LIMCH1: variants seen among roughly 807,000 people sequenced by gnomAD.
LIMCH1 encodes the protein LIM and calponin homology domains-containing protein 1.
LIMCH1 carries 113 observed loss-of-function variants against 176.5 expected under a neutral mutation model. The observed-to-expected ratio is 0.64, with a 90% CI of 0.55 to 0.75. The LOEUF (loss-of-function observed/expected upper bound fraction) is 0.75, where lower values mean the gene tolerates loss of function less well. Among genes scored for constraint, LIMCH1 ranks in the 30% least tolerant of loss-of-function variants. LIMCH1 has a pLI of 0.00. For synonymous variants in LIMCH1, 619 were observed against 645.9 expected (o/e 0.96, Z 0.63); for missense variants, 1,674 against 1,814.9 (o/e 0.92, Z 1.41).
intron 1 of LIMCH1, among the ~76,000 whole-genome samples, chr4:41,541,373 T>G (rs897586912): frequency 6.6e-6 from 1 of 152,212 alleles, no homozygotes; most frequent in Admixed American, 6.5e-5. Context: ...AGCTTGTGTT[T>G]GGTCCCTTTC....
Position 41,360,809 on chromosome 4 carries a change from C to T in LIMCH1, c.-32C>T. ...CGGCGACGGCGGCGGCCGTCCTCAT[C>T]CCGGCGCTTGAGAGGACGCGGGGCT... On this transcript the variant is annotated 5_prime_UTR_variant, in exon 1 of 27. Coordinates refer to the LIMCH1 transcript ENST00000313860. The surrounding 1 kb of genome is among the most constrained non-coding windows in gnomAD (Gnocchi z 4.5). 1 of 1,498,680 alleles carries T rather than the reference C, an allele frequency of 6.7e-7. No individual in the cohort carries two copies. Among genetic ancestry groups the T allele is most frequent in the Non-Finnish European group, 8.9e-7 (1 of 1,119,236 alleles). The allele number at this position is 1,498,680 out of a possible 1,614,324, so 92.8% of individuals were successfully genotyped here. A position where few individuals can be genotyped will look rare whatever the true frequency, so the allele number is the denominator to read the frequency against.
intron 4 of LIMCH1, among the ~76,000 whole-genome samples, chr4:41,610,044 A>C (rs2091241680): frequency 1.3e-5 from 2 of 152,180 alleles, no homozygotes; most frequent in African/African-American, 4.8e-5. Flanking sequence ...TCACTGTTCA[A>C]ACTGGCCATG....
chr4:41,427,194 T>C (rs2061189076), intron 1 of LIMCH1, among the ~76,000 whole-genome samples: 1 of 152,208 alleles, frequency 6.6e-6, no homozygotes, highest in South Asian at 2.1e-4. Flanking sequence ...GATCTTTTAA[T>C]TTCTTTGAGT....
At chr4:41,435,092 G>A (rs1467340071) in intron 1 of LIMCH1, among the ~76,000 whole-genome samples, 2 of 152,126 alleles carry the variant, frequency 1.3e-5, no homozygotes, top group Non-Finnish European at 2.9e-5. Flanking sequence ...ATTATCCTAG[G>A]TTATCTCAGT....
chr4:41,599,432 A>G (rs1433965628), intron 2 of LIMCH1, among the ~76,000 whole-genome samples: 22 of 152,232 alleles, frequency 1.4e-4, no homozygotes, highest in Admixed American at 1.0e-3. Flanking sequence ...GCATTAGATT[A>G]TGGAGAACTT....
intron 1 of LIMCH1, among the ~76,000 whole-genome samples, chr4:41,584,046 C>T (rs2086009525): frequency 6.6e-6 from 1 of 152,094 alleles, no homozygotes; most frequent in Non-Finnish European, 1.5e-5. Context: ...TGGCTCTTTG[C>T]ACTCACACTC....
intron 2 of LIMCH1, among the ~76,000 whole-genome samples, chr4:41,498,304 A>G (rs1221122405): frequency 3.9e-5 from 6 of 152,190 alleles, no homozygotes; most frequent in Admixed American, 1.3e-4. Context: ...TACCCTCAAA[A>G]TCACCCTGGG....
At chr4:41,570,765 TGA>T (rs140577504) in intron 1 of LIMCH1, among the ~76,000 whole-genome samples, 356 of 152,116 alleles carry the variant, frequency 2.3e-3, no homozygotes, top group Non-Finnish European at 4.3e-3. Context: ...AATAGACTGA[TGA>T]GAGTTATTGG....
chr4:41,463,916 T>TC (rs2154154498), intron 1 of LIMCH1, among the ~76,000 whole-genome samples: 1 of 152,000 alleles, frequency 6.6e-6, no homozygotes, highest in East Asian at 1.9e-4. Context: ...GAGGTCTCAC[T>TC]CTATTTGCCC....
In LIMCH1 at chr4:41,385,584, A is replaced by G. The variant is rs370194682; in HGVS notation, c.96+24648A>G. ...TTCTGCATATTAAAAATGTTCCAGAAAGGAAAGCAAAAAAATCACCATGGC... is the reference window on the plus strand; with the variant it reads ...TTCTGCATATTAAAAATGTTCCAGAGAGGAAAGCAAAAAAATCACCATGGC... On this transcript the variant is annotated intron_variant, in intron 1 of 26. Transcript: ENST00000313860. Among the ~76,000 whole-genome samples, 7 of 152,300 alleles carry G rather than the reference A, an allele frequency of 4.6e-5. 1 individual carries two copies. The highest frequency in any genetic ancestry group is 4.8e-5 in the African/African-American group (2 of 41,574).
chr4:41,555,005 A>G (rs2081044767), intron 1 of LIMCH1, among the ~76,000 whole-genome samples: 1 of 152,152 alleles, frequency 6.6e-6, no homozygotes, highest in Non-Finnish European at 1.5e-5. Flanking sequence ...GTTGCCATGG[A>G]GTCTTCTCCA....
chr4:41,612,062 G>A (rs2091485464), intron 4 of LIMCH1, among the ~76,000 whole-genome samples: 1 of 152,176 alleles, frequency 6.6e-6, no homozygotes, highest in Non-Finnish European at 1.5e-5. Flanking sequence ...GTTCTTCAGG[G>A]CATTAATCAG....
intron 1 of LIMCH1, among the ~76,000 whole-genome samples, chr4:41,455,337 G>A (rs1280247165): frequency 6.6e-6 from 1 of 152,168 alleles, no homozygotes; most frequent in Non-Finnish European, 1.5e-5. Flanking sequence ...GGTGAGCCAG[G>A]AGTGATTAGT....
chr4:41,408,581 T>C (rs1039913625), intron 1 of LIMCH1, among the ~76,000 whole-genome samples: 1 of 152,196 alleles, frequency 6.6e-6, no homozygotes, highest in African/African-American at 2.4e-5. Context: ...GGTTTTCCAA[T>C]GTTCCTCCTG....
intron 22 of LIMCH1, among the ~76,000 whole-genome samples, chr4:41,675,813 T>C (rs1389269559): frequency 2.0e-5 from 3 of 152,208 alleles, no homozygotes; most frequent in African/African-American, 4.8e-5. Context: ...TCTTTGAGCT[T>C]GAGTGTTTGT....
At chr4:41,511,293 A>G (rs908886131) in intron 2 of LIMCH1, among the ~76,000 whole-genome samples, 3 of 152,182 alleles carry the variant, frequency 2.0e-5, no homozygotes, top group Admixed American at 1.3e-4. Flanking sequence ...GCAGTGCTGT[A>G]TTCCCTGTCC....
At chr4:41,373,490 A>G (rs999412194) in intron 1 of LIMCH1, among the ~76,000 whole-genome samples, 3 of 152,250 alleles carry the variant, frequency 2.0e-5, no homozygotes, top group African/African-American at 4.8e-5. Context: ...ATTTTCTCCA[A>G]ACTCTCTCAA....
chr4:41,410,104 GA>G (rs201010180), intron 1 of LIMCH1, among the ~76,000 whole-genome samples: 1 of 150,700 alleles, frequency 6.6e-6, no homozygotes, highest in Non-Finnish European at 1.5e-5. Flanking sequence ...ATGTAAACTG[GA>G]AAAAAAAATC....
chr4:41,416,485 C>T lies in LIMCH1; in HGVS notation c.96+55549C>T, dbSNP rs193297927. Among the ~76,000 whole-genome samples, 99 of 150,132 alleles carry T rather than the reference C, an allele frequency of 6.6e-4. No individual in the cohort carries two copies. The East Asian group carries it at 0.015, about 23-fold the overall frequency. ...TGGCCAACATGGTGAAACCTCATCT[C>T]TACTAAAAATACAAAAAAAAAAATT... On this transcript the variant is annotated intron_variant, in intron 1 of 26. Transcript: ENST00000313860.
Sources: allele counts gnomAD v4.1 joint callset (sites outside exome capture counted in the v4.1 genomes callset), GRCh38; gene constraint gnomAD v4.1.1; non-coding constraint Gnocchi (gnomAD v3.1); transcripts MANE v1.5; gene names NCBI Gene and HGNC (gene_info 2026-07-23, HGNC 2026-07-21).